The following SUPT3H variants were observed in gnomAD, a reference collection of about 807,000 sequenced individuals.
SUPT3H encodes the protein transcription initiation protein SPT3 homolog.
SUPT3H carries 44 observed loss-of-function variants against 44.3 expected under a neutral mutation model. The observed-to-expected ratio is 0.99, with a 90% CI of 0.78 to 1.28. The LOEUF (loss-of-function observed/expected upper bound fraction) is 1.28. Among genes scored for constraint, SUPT3H ranks in the 50% most tolerant of loss-of-function variants. SUPT3H has a pLI of 0.00. For synonymous variants in SUPT3H, 124 were observed against 125.6 expected, an observed-to-expected ratio of 0.99 and a Z score of 0.09; for missense variants, 380 against 387.1, an observed-to-expected ratio of 0.98 and a Z score of 0.15.
chr6:45,124,864 A>G (rs563232483), intron 2 of SUPT3H, among the ~76,000 whole-genome samples: 44 of 152,272 alleles, frequency 2.9e-4, no homozygotes, highest in African/African-American at 9.9e-4. Context: ...CAAGGTCATT[A>G]GGGTAGGCTC....
chr6:44,888,509 A>G (rs1427795614), intron 10 of SUPT3H, among the ~76,000 whole-genome samples: 1 of 152,216 alleles, frequency 6.6e-6, no homozygotes, highest in East Asian at 1.9e-4. Context: ...AACCAAAGAC[A>G]AAAACCACAT....
intron 2 of SUPT3H, among the ~76,000 whole-genome samples, chr6:45,294,639 C>A (rs1033319710): frequency 5.1e-5 from 7 of 136,194 alleles, no homozygotes; most frequent in Non-Finnish European, 9.2e-5. Context: ...TTCCCGGACA[C>A]AAAATTATTG....
intron 2 of SUPT3H, among the ~76,000 whole-genome samples, chr6:45,189,552 T>G (rs1025842704): frequency 6.6e-6 from 1 of 152,152 alleles, no homozygotes; most frequent in African/African-American, 2.4e-5. Context: ...GGGGTCTGAA[T>G]AAGGAGAACT....
At chr6:44,826,496 A>C (rs1767765275), downstream of SUPT3H, among the ~76,000 whole-genome samples, 1 of 152,208 alleles carries the variant, frequency 6.6e-6, no homozygotes, top group Admixed American at 6.5e-5. Context: ...GCATACAGGA[A>C]ACTGTAAAAT....
At chr6:45,338,785 G>A (rs1789151555) in intron 2 of SUPT3H, among the ~76,000 whole-genome samples, 1 of 152,008 alleles carries the variant, frequency 6.6e-6, no homozygotes, top group African/African-American at 2.4e-5. Context: ...TTTATATGCA[G>A]CCTATTTCTC....
chr6:45,032,428 T>C (rs4714835), intron 3 of SUPT3H, among the ~76,000 whole-genome samples: 147,722 of 152,194 alleles, frequency 0.97, 71,720 homozygotes, highest in East Asian at 1. Flanking sequence ...ACACTATACC[T>C]GCATAAGTAT....
intron 2 of SUPT3H, among the ~76,000 whole-genome samples, chr6:45,142,349 A>G (rs1312440712): frequency 1.3e-5 from 2 of 152,148 alleles, no homozygotes; most frequent in African/African-American, 4.8e-5. Flanking sequence ...AAAGAAAAAC[A>G]AGGTATTTAG....
chr6:44,933,864 T>C (rs529524087), intron 9 of SUPT3H, among the ~76,000 whole-genome samples: 2 of 152,296 alleles, frequency 1.3e-5, no homozygotes, highest in African/African-American at 4.8e-5. Flanking sequence ...CCCAGGATGG[T>C]CTTGAACTGC....
intron 10 of SUPT3H, among the ~76,000 whole-genome samples, chr6:44,845,927 G>A (rs774219204): frequency 2.0e-5 from 3 of 152,206 alleles, no homozygotes; most frequent in Non-Finnish European, 2.9e-5. Context: ...CTGTCCTTGC[G>A]ATAAGGCAGG....
At chr6:45,273,536 T>C (rs1290453650) in intron 2 of SUPT3H, among the ~76,000 whole-genome samples, 4 of 152,202 alleles carry the variant, frequency 2.6e-5, no homozygotes, top group Non-Finnish European at 5.9e-5. Context: ...TATAACAAGT[T>C]AGTAAGAGTT....
At chr6:44,871,054 G>T (rs1036646435) in intron 10 of SUPT3H, among the ~76,000 whole-genome samples, 6 of 149,546 alleles carry the variant, frequency 4.0e-5, no homozygotes, top group African/African-American at 1.5e-4. Context: ...ACTGCAAGGC[G>T]GCAACGAGGC....
At chr6:44,839,012 G>A (rs1410295093) in intron 10 of SUPT3H, among the ~76,000 whole-genome samples, 1 of 152,150 alleles carries the variant, frequency 6.6e-6, no homozygotes, top group Non-Finnish European at 1.5e-5. Flanking sequence ...TAACAAAAGT[G>A]TCTCCTCTGA....
intron 3 of SUPT3H, among the ~76,000 whole-genome samples, chr6:45,050,878 ATTTT>A (rs35575281): frequency 1.2e-5 from 1 of 86,170 alleles, no homozygotes; most frequent in African/African-American, 4.3e-5. Flanking sequence ...AGGGTATGGG[ATTTT>A]TTTTTTTTTT....
At chr6:45,371,889 G>A (rs1796125333) in intron 1 of SUPT3H, 1 of 943,506 alleles carries the variant, frequency 1.1e-6, no homozygotes, top group Non-Finnish European at 1.3e-6. Context: ...CATTTTTCAG[G>A]TGAGGAACTG....
chr6:45,324,883 G>A (rs978845853), intron 2 of SUPT3H, among the ~76,000 whole-genome samples: 1 of 151,848 alleles, frequency 6.6e-6, no homozygotes, highest in African/African-American at 2.4e-5. Flanking sequence ...ATGCAGTTGT[G>A]TACATAAACA....
intron 2 of SUPT3H, among the ~76,000 whole-genome samples, chr6:45,363,665 T>C (rs1200889345): frequency 6.6e-6 from 1 of 151,918 alleles, no homozygotes; most frequent in Non-Finnish European, 1.5e-5. Flanking sequence ...CACTAAACTA[T>C]AATGAAAAAA....
At chr6:45,079,320 T>C (rs958198141) in intron 3 of SUPT3H, among the ~76,000 whole-genome samples, 1 of 147,482 alleles carries the variant, frequency 6.8e-6, no homozygotes, top group Non-Finnish European at 1.5e-5. Context: ...AGGCCCAGAA[T>C]AGCCAAACCA....
intron 2 of SUPT3H, among the ~76,000 whole-genome samples, chr6:45,296,049 A>G (rs570762399): frequency 6.6e-6 from 1 of 152,272 alleles, no homozygotes; most frequent in South Asian, 2.1e-4. Flanking sequence ...ACAATTCGCA[A>G]CTGCAAAAAC....
In SUPT3H at chr6:44,976,204, TAAGAA is replaced by T. The variant is rs199726206; in HGVS notation, c.505-14381_505-14377del. Among the ~76,000 whole-genome samples the T allele has an allele frequency of 9.1e-3, 1,388 of 152,174 alleles. 13 individuals are homozygous for T. Among genetic ancestry groups the T allele is most frequent in the Non-Finnish European group, 0.014 (983 of 68,006 alleles). Reference sequence around the variant, plus strand: ...CCTGAGAATGCCAAGATTTAGTCACTAAGAAAAGGAGAAAATGATAGTCTTTACCA... The same window carrying T: ...CCTGAGAATGCCAAGATTTAGTCACTAAGGAGAAAATGATAGTCTTTACCA... On this transcript the variant is annotated intron_variant, in intron 6 of 10. Coordinates refer to ENST00000371459, the MANE Select transcript of SUPT3H (RefSeq NM_003599.4).
Sources: allele counts gnomAD v4.1 joint callset (sites outside exome capture counted in the v4.1 genomes callset), GRCh38; gene constraint gnomAD v4.1.1; transcripts MANE v1.5; gene names NCBI Gene and HGNC (gene_info 2026-07-23, HGNC 2026-07-21).